The following RAB2A variants were observed in gnomAD, a reference collection of about 807,000 sequenced individuals.
RAB2A encodes the protein RAB2A, member RAS oncogene family.
Under a neutral mutation model 32.5 loss-of-function variants are expected in RAB2A, and 7 were observed. The ratio of observed to expected loss-of-function variants is 0.22; its 90% CI spans 0.12 to 0.40. The LOEUF (loss-of-function observed/expected upper bound fraction) is 0.40. RAB2A is among the 10% of genes least tolerant of loss of function. The pLI is 1.00. For synonymous variants in RAB2A, 79 were observed against 85.2 expected, an observed-to-expected ratio of 0.93 and a Z score of 0.40; for missense variants, 108 against 260.7, an observed-to-expected ratio of 0.41 and a Z score of 4.03.
At chr8:60,605,730 C>T (rs546747914) in intron 6 of RAB2A, among the ~76,000 whole-genome samples, 1 of 151,490 alleles carries the variant, frequency 6.6e-6, no homozygotes, top group Admixed American at 6.6e-5. Context: ...GCCAATTTTT[C>T]GTTTTTGGAA....
At chr8:60,564,667 A>T (rs767290637) in intron 2 of RAB2A, among the ~76,000 whole-genome samples, 9 of 152,186 alleles carry the variant, frequency 5.9e-5, no homozygotes, top group Non-Finnish European at 1.3e-4. Flanking sequence ...ATGAGTGTAT[A>T]TGTACATACC....
At chr8:60,609,206 C>CA (rs1315870585) in intron 6 of RAB2A, among the ~76,000 whole-genome samples, 1 of 152,236 alleles carries the variant, frequency 6.6e-6, no homozygotes, top group Non-Finnish European at 1.5e-5. Flanking sequence ...CCCTTCTCCA[C>CA]AAAAAAGTAT....
intron 6 of RAB2A, among the ~76,000 whole-genome samples, chr8:60,614,269 A>ATTTTTTTTT (rs1554560349): frequency 6.9e-6 from 1 of 144,832 alleles, no homozygotes; most frequent in African/African-American, 2.6e-5. Context: ...TTTTTCTTCC[A>ATTTTTTTTT]TCTTTATGGA....
chr8:60,556,479 T>C (rs1288938471), intron 1 of RAB2A, among the ~76,000 whole-genome samples: 1 of 151,904 alleles, frequency 6.6e-6, no homozygotes, highest in Non-Finnish European at 1.5e-5. Flanking sequence ...TACAATTATA[T>C]GTCAATTAAA....
intron 6 of RAB2A, among the ~76,000 whole-genome samples, chr8:60,612,471 A>G (rs1804368082): frequency 6.6e-6 from 1 of 152,236 alleles, no homozygotes; most frequent in Non-Finnish European, 1.5e-5. Context: ...GAAATCCAAT[A>G]TAATTTCTAG....
At chr8:60,563,214 A>C (rs1349682616) in intron 2 of RAB2A, among the ~76,000 whole-genome samples, 9 of 152,206 alleles carry the variant, frequency 5.9e-5, no homozygotes, top group African/African-American at 1.9e-4. Flanking sequence ...AGACCGTAAA[A>C]GTTTTTAAAA....
At chr8:60,605,371 A>G (rs1804210081) in intron 6 of RAB2A, among the ~76,000 whole-genome samples, 1 of 152,190 alleles carries the variant, frequency 6.6e-6, no homozygotes. Flanking sequence ...GCAGAGGGAA[A>G]ATGTAGGCTT....
chr8:60,584,463 T>C (rs1257636457), intron 4 of RAB2A, among the ~76,000 whole-genome samples, 173 bp downstream of exon 4: 1 of 152,228 alleles, frequency 6.6e-6, no homozygotes, highest in Non-Finnish European at 1.5e-5. Flanking sequence ...CTGAATTGTT[T>C]TTCTTATTTG....
chr8:60,608,312 CT>C (rs912900136), intron 6 of RAB2A, among the ~76,000 whole-genome samples: 2 of 151,356 alleles, frequency 1.3e-5, no homozygotes, highest in East Asian at 1.9e-4. Context: ...AGAATTATAC[CT>C]TTTTTTTTCT....
intron 1 of RAB2A, among the ~76,000 whole-genome samples, chr8:60,548,506 G>A (rs1299144175): frequency 1.4e-5 from 1 of 69,524 alleles, no homozygotes; most frequent in Admixed American, 1.1e-4. Flanking sequence ...CGGCTGGCCG[G>A]GCGGGGGGCT....
rs114241086 is a variant in RAB2A at position 60,599,544 on chromosome 8, A to G, written c.474+7575A>G. On this transcript the variant is annotated intron_variant, in intron 6 of 7. Transcript: ENST00000262646. ...CATTGATTTCAAGTTTTGCTTAGCCAGTCATCAGGACTGCGTGATACTGGT... is the reference window on the plus strand; with the variant it reads ...CATTGATTTCAAGTTTTGCTTAGCCGGTCATCAGGACTGCGTGATACTGGT... Among the ~76,000 whole-genome samples, 1,507 of 152,348 alleles carry G rather than the reference A, an allele frequency of 9.9e-3. 26 individuals are homozygous for G. Among genetic ancestry groups the G allele is most frequent in the African/African-American group, 0.034 (1,429 of 41,576 alleles).
chr8:60,569,903 G>A, intron 2 of RAB2A: 2 of 453,162 alleles, frequency 4.4e-6, no homozygotes, highest in South Asian at 3.1e-5. Flanking sequence ...AATGTCTGTA[G>A]TTATGTATGG....
chr8:60,613,644 A>C (rs1379111121), intron 6 of RAB2A, among the ~76,000 whole-genome samples: 1 of 152,172 alleles, frequency 6.6e-6, no homozygotes, highest in East Asian at 1.9e-4. Context: ...AATTCTGTTC[A>C]TTTTAAAGGT....
chr8:60,622,566 C>G lies in RAB2A; in HGVS notation c.*1797C>G, dbSNP rs649634. ...TAAGGCAACTAGGACAGGTACTGCTCTATACCAAGAAGAGAATGATTCTTT... is the reference window on the plus strand; with the variant it reads ...TAAGGCAACTAGGACAGGTACTGCTGTATACCAAGAAGAGAATGATTCTTT... On this transcript the variant is annotated 3_prime_UTR_variant, in exon 8 of 8. Transcript: ENST00000262646. 35,525 of 152,114 alleles carry G rather than the reference C, an allele frequency of 0.23. 4,252 individuals carry two copies. Among genetic ancestry groups the G allele is most frequent in the Middle Eastern group, 0.39 (116 of 294 alleles). The allele number at this position is 152,114 out of a possible 1,614,324, so 9.4% of individuals were successfully genotyped here.
At chr8:60,600,332 GA>G (rs1450752602) in intron 6 of RAB2A, among the ~76,000 whole-genome samples, 1 of 152,086 alleles carries the variant, frequency 6.6e-6, no homozygotes, top group African/African-American at 2.4e-5. Context: ...AAAAAAGAAA[GA>G]AAAACACCCA....
At chr8:60,543,002 C>A (rs545765785) in intron 1 of RAB2A, among the ~76,000 whole-genome samples, 1 of 152,348 alleles carries the variant, frequency 6.6e-6, no homozygotes, top group South Asian at 2.1e-4. Context: ...CAAATAAATG[C>A]TCTGTATTCC....
chr8:60,598,971 A>AAAAAG (rs1563482794), intron 6 of RAB2A, among the ~76,000 whole-genome samples: 1 of 142,056 alleles, frequency 7.0e-6, no homozygotes, highest in African/African-American at 2.7e-5. Flanking sequence ...AAAAAAGAAA[A>AAAAAG]GGCATACAAC....
chr8:60,601,219 C>CATAGTTTTTTCACAAGAGCTT (rs1804129742), intron 6 of RAB2A, among the ~76,000 whole-genome samples: 1 of 51,904 alleles, frequency 1.9e-5, no homozygotes, highest in African/African-American at 2.6e-4. Context: ...GATTTTTGCT[C>CATAGTTTTTTCACAAGAGCTT]TGTATGTTGC....
intron 1 of RAB2A, among the ~76,000 whole-genome samples, chr8:60,556,604 A>T (rs1223227910): frequency 1.3e-5 from 2 of 149,984 alleles, no homozygotes; most frequent in Non-Finnish European, 3.0e-5. Context: ...GTTTTTGGCC[A>T]GCCTGGGCAA....
Sources: gnomAD v4.1 joint callset for allele counts (sites outside exome capture counted in the v4.1 genomes callset) on GRCh38, gnomAD v4.1.1 for gene constraint, MANE v1.5 for transcripts, NCBI Gene and HGNC (gene_info 2026-07-23, HGNC 2026-07-21) for gene names.